SCRN1: variants seen among roughly 807,000 people sequenced by gnomAD.
SCRN1 encodes secernin 1.
Under a neutral mutation model 43.3 loss-of-function variants are expected in SCRN1, and 19 were observed. That is an observed-to-expected ratio of 0.44 (90% CI 0.31 to 0.64). The LOEUF (loss-of-function observed/expected upper bound fraction) is 0.64. SCRN1 is among the 30% of genes least tolerant of loss of function. The pLI is 0.09. For synonymous variants in SCRN1, 183 were observed against 188.9 expected (o/e 0.97, Z 0.26); for missense variants, 447 against 524.1 (o/e 0.85, Z 1.44).
chr7:29,930,869 C>T (rs995465062), intron 6 of SCRN1, among the ~76,000 whole-genome samples: 3 of 152,152 alleles, frequency 2.0e-5, no homozygotes, highest in East Asian at 1.9e-4. Flanking sequence ...CAAAGCTGGC[C>T]GAGCTACTTT....
chr7:29,958,697 G>A (rs1788213341), intron 2 of SCRN1, among the ~76,000 whole-genome samples: 1 of 152,226 alleles, frequency 6.6e-6, no homozygotes, highest in African/African-American at 2.4e-5. Context: ...TTATTAAAGT[G>A]AACTGTGGAA....
chr7:29,969,879 T>G (rs1255100552), intron 1 of SCRN1: 2 of 456,302 alleles, frequency 4.4e-6, no homozygotes, highest in African/African-American at 4.0e-5. Context: ...CTTTTCAAGG[T>G]TCTTTATCTT....
At position 29,989,660 on chromosome 7, in the gene SCRN1, G is replaced by A. The variant is rs764038746; in HGVS notation, c.-20C>T. The A allele has an allele frequency of 8.7e-4, 859 of 985,472 alleles. No individual in the cohort carries two copies. Among genetic ancestry groups the A allele is most frequent in the Non-Finnish European group, 1.0e-3 (827 of 830,074 alleles). 61.0% of individuals were successfully genotyped at this position (985,472 alleles called of 1,614,324 possible). On this transcript the variant is annotated 5_prime_UTR_variant, in exon 1 of 8. Coordinates refer to ENST00000242059, the MANE Select transcript of SCRN1 (RefSeq NM_014766.5). ...GGCTCACCTGGGGCGGCGGGCTCCG[G>A]GCTCCGCTCTCCGCTCTGCGGTGCT...
chr7:29,954,458 A>T (rs529086809), intron 3 of SCRN1, among the ~76,000 whole-genome samples: 1 of 152,190 alleles, frequency 6.6e-6, no homozygotes, highest in Non-Finnish European at 1.5e-5. Flanking sequence ...AACATTTTCA[A>T]CACCCGCAAA....
chr7:29,938,690 G>A (rs1197236835), intron 5 of SCRN1, among the ~76,000 whole-genome samples: 3 of 152,120 alleles, frequency 2.0e-5, no homozygotes, highest in Non-Finnish European at 1.5e-5. Flanking sequence ...CCTTTATTTC[G>A]GCCCATCCCT....
rs1210987589 is a variant in SCRN1, at chr7:29,944,119, C to T, written c.402G>A (p.Leu134=). 6.2e-7 allele frequency: 1 copy of T among 1,614,228 alleles called. No homozygotes were observed. The highest frequency in any genetic ancestry group is 1.7e-5 in the Admixed American group (1 of 60,022). ...AATTCCCACCTTGTCCATGTTCTTC[C>T]AACAAGGAGACAATGACATCTAAGG... ...KEALDVIVSL[L]EEHGQGGNYF... is the part of the protein sequence containing the mutation. The change falls in exon 4 of 8, where the codon TTG becomes TTA. Residue 134 remains leucine (L), a synonymous_variant. Transcript: ENST00000242059.
intron 6 of SCRN1, among the ~76,000 whole-genome samples, chr7:29,933,012 G>A (rs1474509044): frequency 1.3e-5 from 2 of 152,018 alleles, no homozygotes; most frequent in East Asian, 1.9e-4. Flanking sequence ...GAGTACCTGG[G>A]ATTACAGGCG....
chr7:29,939,192 G>A (rs886543750), intron 5 of SCRN1, among the ~76,000 whole-genome samples: 2 of 152,048 alleles, frequency 1.3e-5, no homozygotes, highest in African/African-American at 4.8e-5. Flanking sequence ...TAGATTAAGA[G>A]TCAGGAAGCA....
chr7:29,951,329 C>A (rs563793539), intron 3 of SCRN1, among the ~76,000 whole-genome samples: 41 of 152,240 alleles, frequency 2.7e-4, no homozygotes, highest in Non-Finnish European at 5.0e-4. Context: ...CACCCCTTTC[C>A]TCTCTGCGCC....
chr7:29,939,771 G>A (rs557604926), intron 5 of SCRN1, among the ~76,000 whole-genome samples: 4 of 152,240 alleles, frequency 2.6e-5, no homozygotes, highest in South Asian at 2.1e-4. Flanking sequence ...ACTGTTGTGG[G>A]TTTTCTGGAA....
chr7:29,976,445 T>C (rs1369936867), intron 1 of SCRN1, among the ~76,000 whole-genome samples: 1 of 152,230 alleles, frequency 6.6e-6, no homozygotes, highest in Admixed American at 6.5e-5. Flanking sequence ...ATAAGTTGTT[T>C]ACAATCTGCG....
chr7:29,963,063 C>T (rs1788379667), intron 2 of SCRN1, among the ~76,000 whole-genome samples: 1 of 151,914 alleles, frequency 6.6e-6, no homozygotes, highest in Non-Finnish European at 1.5e-5. Flanking sequence ...AAAAAAAATC[C>T]TTCTTCACAA....
chr7:29,929,733 T>A (rs1315869130), intron 6 of SCRN1, among the ~76,000 whole-genome samples: 6 of 152,378 alleles, frequency 3.9e-5, no homozygotes, highest in African/African-American at 1.4e-4. Context: ...ATCTCAACAG[T>A]CCCTTCTAGC....
At chr7:29,966,152 C>CGA (rs1788483758) in intron 2 of SCRN1, among the ~76,000 whole-genome samples, 1 of 22,790 alleles carries the variant, frequency 4.4e-5, no homozygotes, top group African/African-American at 1.7e-4. Flanking sequence ...AGAGAGAGAC[C>CGA]GAGAGACAGA....
intron 6 of SCRN1, among the ~76,000 whole-genome samples, chr7:29,933,129 C>A (rs1021860390): frequency 6.6e-6 from 1 of 152,168 alleles, no homozygotes; most frequent in Admixed American, 6.5e-5. Context: ...ATCCACCCAC[C>A]TTGACCTCCC....
chr7:29,936,622 G>A lies in SCRN1; in HGVS notation c.839C>T (p.Ser280Phe). 6.2e-7 allele frequency: 1 copy of A among 1,608,138 alleles called. No individual in the cohort carries two copies. Among genetic ancestry groups the A allele is most frequent in the Non-Finnish European group, 8.5e-7 (1 of 1,175,368 alleles). ...EFFLTTASGV[S>F]VLPQNRSSPC... ...AGAGCTTCTATTCTGCGGCAGGACAGACACTCCACTGGCTGTGGTGAGGAA... is the reference window on the plus strand; with the variant it reads ...AGAGCTTCTATTCTGCGGCAGGACAAACACTCCACTGGCTGTGGTGAGGAA... The change falls in exon 6 of 8, where the codon TCT (serine) becomes TTT (phenylalanine). Residue 280 changes from serine to phenylalanine, a missense_variant. Ser to Phe is a radical substitution (Grantham distance 155). Coordinates refer to ENST00000242059, the MANE Select transcript of SCRN1 (RefSeq NM_014766.5).
intron 1 of SCRN1, chr7:29,970,065 C>A (rs971702240): frequency 3.0e-6 from 1 of 331,180 alleles, no homozygotes; most frequent in African/African-American, 2.2e-5. Context: ...CAATAACTTC[C>A]GGAGGGGTTG....
chr7:29,943,432 A>T (rs1309037334), intron 4 of SCRN1, among the ~76,000 whole-genome samples: 1 of 152,154 alleles, frequency 6.6e-6, no homozygotes, highest in Admixed American at 6.5e-5. Context: ...ATGGGCACTA[A>T]ATTCTTCTGG....
chr7:29,960,554 C>T (rs1159696780), intron 2 of SCRN1, among the ~76,000 whole-genome samples: 1 of 152,144 alleles, frequency 6.6e-6, no homozygotes, highest in East Asian at 1.9e-4. Context: ...TATAATTAGC[C>T]TCTTGGACAC....
Sources: gnomAD v4.1 joint callset for allele counts (sites outside exome capture counted in the v4.1 genomes callset) on GRCh38, gnomAD v4.1.1 for gene constraint, MANE v1.5 for transcripts, NCBI Gene and HGNC (gene_info 2026-07-23, HGNC 2026-07-21) for gene names.